The following BLTP1 variants were observed in gnomAD, a reference collection of about 807,000 sequenced individuals.
The protein encoded by BLTP1 is bridge-like lipid transfer protein family member 1.
chr4:122,245,107 T>C, the BLTP1 span: 1 of 1,610,520 alleles, frequency 6.2e-7, no homozygotes, highest in East Asian at 2.2e-5. Flanking sequence ...TCAGGGAAGC[T>C]GTCCAAAATA....
chr4:122,287,098 G>A, the BLTP1 span, among the ~76,000 whole-genome samples: 3 of 152,118 alleles, frequency 2.0e-5, no homozygotes, highest in African/African-American at 7.2e-5. Flanking sequence ...TTCATTATGT[G>A]CTTTACACGC....
the BLTP1 span, chr4:122,243,067 A>G: frequency 6.2e-7 from 1 of 1,612,224 alleles, no homozygotes; most frequent in Non-Finnish European, 8.5e-7. Context: ...ATCAACTTCA[A>G]AGTAAGTAAA....
At chr4:122,243,138 A>G in the BLTP1 span, 6 of 1,408,224 alleles carry the variant, frequency 4.3e-6, no homozygotes, top group Non-Finnish European at 5.9e-6. Flanking sequence ...ATTCTGAATA[A>G]TAATCATTCT....
At chr4:122,336,885 C>G in the BLTP1 span, 2 of 1,595,118 alleles carry the variant, frequency 1.3e-6, no homozygotes, top group South Asian at 2.3e-5. Context: ...AAACAGCTGT[C>G]AGCTCACAAG....
the BLTP1 span, chr4:122,235,757 A>G: frequency 6.6e-6 from 1 of 152,190 alleles, no homozygotes; most frequent in East Asian, 1.9e-4. Context: ...GGGAGAGGAG[A>G]TGGCGCCACT....
chr4:122,338,795 G>A, the BLTP1 span, among the ~76,000 whole-genome samples: 1 of 152,144 alleles, frequency 6.6e-6, no homozygotes, highest in East Asian at 1.9e-4. Flanking sequence ...GACCAGCACA[G>A]TTCAAACCTG....
At chr4:122,230,045 T>G in the BLTP1 span, 1 of 1,614,174 alleles carries the variant, frequency 6.2e-7, no homozygotes, top group Non-Finnish European at 8.5e-7. Flanking sequence ...ATTAAATAAT[T>G]GCAGAATTGG....
the BLTP1 span, chr4:122,230,036 T>C: frequency 1.2e-6 from 2 of 1,614,042 alleles, no homozygotes. Flanking sequence ...CATTGAGCAA[T>C]TAAATAATTG....
chr4:122,309,043 T>G, the BLTP1 span, among the ~76,000 whole-genome samples: 1 of 152,004 alleles, frequency 6.6e-6, no homozygotes, highest in East Asian at 1.9e-4. Context: ...GAGATAGAAA[T>G]GTAGATAGCC....
the BLTP1 span, chr4:122,337,261 GT>G: frequency 2.1e-6 from 1 of 466,230 alleles, no homozygotes; most frequent in South Asian, 2.7e-5. Context: ...ACTGAATAGC[GT>G]AAGTCAGTAA....
At chr4:122,350,218 G>T in the BLTP1 span, 1 of 1,431,158 alleles carries the variant, frequency 7.0e-7, no homozygotes, top group South Asian at 1.6e-5. Flanking sequence ...CAAAGGACCA[G>T]AATTTCTACC....
the BLTP1 span, among the ~76,000 whole-genome samples, chr4:122,294,248 C>T: frequency 6.6e-6 from 1 of 152,240 alleles, no homozygotes; most frequent in African/African-American, 2.4e-5. Context: ...CCTGCTCTGC[C>T]AAGGGGCAGC....
At chr4:122,355,735 A>C in the BLTP1 span, 1 of 1,505,616 alleles carries the variant, frequency 6.6e-7, no homozygotes, top group Non-Finnish European at 8.9e-7. Context: ...CTTGAAAGCT[A>C]TATAGGCTTG....
At chr4:122,314,124 A>G in the BLTP1 span, 1 of 985,056 alleles carries the variant, frequency 1.0e-6, no homozygotes, top group Non-Finnish European at 1.2e-6. Flanking sequence ...TGGAGGGACA[A>G]ACATTTAAAC....
At chr4:122,230,830 A>G in the BLTP1 span, among the ~76,000 whole-genome samples, 6,056 of 152,230 alleles carry the variant, frequency 0.04, 165 homozygotes, top group East Asian at 0.14. Context: ...TTAAGAAACA[A>G]AAGAAAATAA....
the BLTP1 span, chr4:122,230,075 C>T: frequency 2.9e-5 from 46 of 1,614,036 alleles, no homozygotes; most frequent in Middle Eastern, 3.3e-4. Context: ...TGCAGTGCTA[C>T]GGAGGGCCTA....
the BLTP1 span, among the ~76,000 whole-genome samples, chr4:122,166,988 G>C: frequency 6.6e-6 from 1 of 151,982 alleles, no homozygotes; most frequent in East Asian, 1.9e-4. Context: ...TTTCCTTTCT[G>C]GAAAACAAGG....
chr4:122,280,807 T>G, the BLTP1 span, among the ~76,000 whole-genome samples: 1 of 152,182 alleles, frequency 6.6e-6, no homozygotes, highest in Admixed American at 6.5e-5. Flanking sequence ...TATCTAAATC[T>G]TTAATTCTGA....
At chr4:122,244,413 G>A in the BLTP1 span, among the ~76,000 whole-genome samples, 3 of 151,958 alleles carry the variant, frequency 2.0e-5, no homozygotes, top group African/African-American at 7.2e-5. Context: ...CACAAATACT[G>A]TATTCTGAAT....
Sources: allele counts gnomAD v4.1 joint callset (sites outside exome capture counted in the v4.1 genomes callset), GRCh38; gene constraint gnomAD v4.1.1; transcripts MANE v1.5; gene names NCBI Gene and HGNC (gene_info 2026-07-23, HGNC 2026-07-21).